REDIC1: variants seen among roughly 807,000 people sequenced by gnomAD.
REDIC1 encodes the protein HEI10 Interacting Protein 1.
chr12:39,751,463 A>G, the REDIC1 span, among the ~76,000 whole-genome samples: 1 of 152,212 alleles, frequency 6.6e-6, no homozygotes, highest in Non-Finnish European at 1.5e-5. Context: ...GGGACTGTAA[A>G]CTAGTTCAAC....
the REDIC1 span, among the ~76,000 whole-genome samples, chr12:39,713,052 T>C: frequency 6.9e-6 from 1 of 145,610 alleles, no homozygotes; most frequent in Non-Finnish European, 1.5e-5. Flanking sequence ...CATGTGTATA[T>C]ACGTGTATAT....
the REDIC1 span, among the ~76,000 whole-genome samples, chr12:39,663,066 A>T: frequency 3.3e-5 from 5 of 151,958 alleles, no homozygotes; most frequent in Non-Finnish European, 7.4e-5. Context: ...TTCATCAGGA[A>T]TATTGGCCTA....
At chr12:39,727,745 G>C in the REDIC1 span, among the ~76,000 whole-genome samples, 1 of 152,120 alleles carries the variant, frequency 6.6e-6, no homozygotes, top group Non-Finnish European at 1.5e-5. Context: ...ACTTTGGGCA[G>C]TATGGCCATT....
At chr12:39,758,018 A>ATATT in the REDIC1 span, 4 of 151,798 alleles carry the variant, frequency 2.6e-5, no homozygotes, top group Non-Finnish European at 5.9e-5. Context: ...CCTGTGTAAA[A>ATATT]TATTAGATAA....
At chr12:39,884,989 A>G in the REDIC1 span, among the ~76,000 whole-genome samples, 1 of 152,354 alleles carries the variant, frequency 6.6e-6, no homozygotes, top group East Asian at 1.9e-4. Flanking sequence ...CTGACTAGAA[A>G]AACCATAGTG....
the REDIC1 span, among the ~76,000 whole-genome samples, chr12:39,773,652 C>T: frequency 6.6e-6 from 1 of 152,214 alleles, no homozygotes; most frequent in African/African-American, 2.4e-5. Flanking sequence ...GCTTCCTACA[C>T]AGCACATGCT....
the REDIC1 span, among the ~76,000 whole-genome samples, chr12:39,788,935 T>C: frequency 6.6e-6 from 1 of 152,170 alleles, no homozygotes; most frequent in Non-Finnish European, 1.5e-5. Context: ...CTAATACGTA[T>C]TTAAAAATCT....
the REDIC1 span, among the ~76,000 whole-genome samples, chr12:39,648,402 G>A: frequency 6.6e-6 from 1 of 151,846 alleles, no homozygotes; most frequent in Admixed American, 6.6e-5. Context: ...GTGATGGCTT[G>A]ATAATTTTTA....
the REDIC1 span, among the ~76,000 whole-genome samples, chr12:39,669,610 G>T: frequency 6.6e-6 from 1 of 152,244 alleles, no homozygotes; most frequent in Non-Finnish European, 1.5e-5. Flanking sequence ...GTGTGCAGAG[G>T]ATTCTGCTGC....
chr12:39,888,777 C>T, the REDIC1 span, among the ~76,000 whole-genome samples: 2 of 152,116 alleles, frequency 1.3e-5, no homozygotes, highest in Non-Finnish European at 2.9e-5. Flanking sequence ...GAAATTCTCA[C>T]AAGTAACCAA....
chr12:39,900,129 C>A, the REDIC1 span, among the ~76,000 whole-genome samples: 2 of 147,330 alleles, frequency 1.4e-5, no homozygotes, highest in South Asian at 2.3e-4. Context: ...GGCCTTTGAC[C>A]AAATTCAACA....
the REDIC1 span, among the ~76,000 whole-genome samples, chr12:39,749,262 C>A: frequency 3.3e-5 from 5 of 152,128 alleles, no homozygotes; most frequent in Non-Finnish European, 5.9e-5. Context: ...CACAGAAATA[C>A]AAACTACCAT....
At chr12:39,736,329 C>T in the REDIC1 span, among the ~76,000 whole-genome samples, 3 of 152,196 alleles carry the variant, frequency 2.0e-5, no homozygotes, top group Admixed American at 2.0e-4. Context: ...CCTCTTCCAC[C>T]ATTGTATGTC....
the REDIC1 span, chr12:39,721,803 G>GT: frequency 6.6e-6 from 1 of 151,698 alleles, no homozygotes; most frequent in Non-Finnish European, 1.5e-5. Context: ...GCATAACATA[G>GT]TTTTTTTGTT....
chr12:39,773,781 T>C, the REDIC1 span, among the ~76,000 whole-genome samples: 1 of 152,200 alleles, frequency 6.6e-6, no homozygotes, highest in Non-Finnish European at 1.5e-5. Flanking sequence ...CAACTTCATA[T>C]ATTGAGTCCT....
chr12:39,811,439 T>C, the REDIC1 span, among the ~76,000 whole-genome samples: 1 of 152,114 alleles, frequency 6.6e-6, no homozygotes, highest in Non-Finnish European at 1.5e-5. Flanking sequence ...AATATACTTA[T>C]TTTAAAGTAT....
chr12:39,711,691 A>C, the REDIC1 span, among the ~76,000 whole-genome samples: 1 of 61,546 alleles, frequency 1.6e-5, no homozygotes, highest in Non-Finnish European at 4.3e-5. Flanking sequence ...ATGCACATGT[A>C]TGTGTATGTG....
At chr12:39,771,412 T>C in the REDIC1 span, among the ~76,000 whole-genome samples, 4 of 152,286 alleles carry the variant, frequency 2.6e-5, no homozygotes, top group Admixed American at 6.5e-5. Context: ...ATGCCTATGC[T>C]GGGAGATTTG....
chr12:39,747,728 T>A, the REDIC1 span, among the ~76,000 whole-genome samples: 5 of 152,184 alleles, frequency 3.3e-5, no homozygotes, highest in Non-Finnish European at 7.3e-5. Context: ...CAGCTGATCT[T>A]TCAGCAGAAA....
Sources: allele counts gnomAD v4.1 joint callset (sites outside exome capture counted in the v4.1 genomes callset), GRCh38; gene constraint gnomAD v4.1.1; transcripts MANE v1.5; gene names NCBI Gene and HGNC (gene_info 2026-07-23, HGNC 2026-07-21).